Variants in FLVCR1 observed in about 807,000 individuals in gnomAD.
FLVCR1 encodes the protein choline/ethanolamine transporter FLVCR1.
Under a neutral mutation model 53.6 loss-of-function variants are expected in FLVCR1, and 34 were observed. The ratio of observed to expected loss-of-function variants is 0.63; its 90% confidence interval spans 0.48 to 0.84. The LOEUF (loss-of-function observed/expected upper bound fraction) is 0.84. Among genes scored for constraint, FLVCR1 ranks in the 40% least tolerant of loss-of-function variants. FLVCR1 has a pLI of 0.00. For synonymous variants in FLVCR1, 300 were observed against 286.3 expected (o/e 1.05, Z -0.48); for missense variants, 677 against 696.7 (o/e 0.97, Z 0.32).
rs772674826 is a variant in FLVCR1, at chr1:212,888,610, C to T, written c.1413+16C>T. On this transcript the variant is annotated intron_variant, in intron 7 of 9. Coordinates refer to ENST00000366971, the MANE Select transcript of FLVCR1 (RefSeq NM_014053.4). ...TTCTGCACAGGTAAACCTCTGATTT[C>T]TCTAAACCTGAGATGATTATTATAC... is the stretch of plus-strand genomic sequence containing the variant. The T allele has an allele frequency of 1.3e-6, 2 of 1,482,486 alleles. No individual in the cohort carries two copies. The highest frequency in any genetic ancestry group is 2.3e-5 in the South Asian group (2 of 88,268). 91.8% of individuals were successfully genotyped at this position (1,482,486 alleles called of 1,614,324 possible).
chr1:212,872,959 G>C, intron 3 of FLVCR1, 141 bp downstream of exon 3: 1 of 824,682 alleles, frequency 1.2e-6, no homozygotes, highest in Non-Finnish European at 1.9e-6. Flanking sequence ...TAAACTAAAA[G>C]CAGAAAATCC....
intron 1 of FLVCR1, among the ~76,000 whole-genome samples, chr1:212,862,586 G>T: frequency 6.6e-6 from 1 of 152,184 alleles, no homozygotes; most frequent in East Asian, 1.9e-4. Context: ...GTTGATAAAT[G>T]TTTGGGTTAT....
intron 8 of FLVCR1, among the ~76,000 whole-genome samples, chr1:212,892,033 A>G (rs1162815091): frequency 2.0e-5 from 3 of 152,236 alleles, no homozygotes; most frequent in African/African-American, 7.2e-5. Context: ...TGAACGTTGA[A>G]AGAGGTGAGA....
intron 3 of FLVCR1, among the ~76,000 whole-genome samples, chr1:212,877,832 G>A (rs1264901137): frequency 6.6e-6 from 1 of 151,906 alleles, no homozygotes; most frequent in Non-Finnish European, 1.5e-5. Context: ...TTATCCTTAA[G>A]AATCAATAAG....
rs576800379 is a variant in FLVCR1 at position 212,859,208 on chromosome 1, A to G, written c.738+18A>G. ...GCAATCAGGTAAGTACTGGAGTGGT[A>G]GGTGAAAGTCAGATCCTTAAAAGAC... On this transcript the variant is annotated intron_variant, in intron 1 of 9. Transcript: ENST00000366971. 5 of 1,613,988 alleles carry G rather than the reference A, an allele frequency of 3.1e-6. No homozygotes were observed. The highest frequency in any genetic ancestry group is 2.2e-5 in the East Asian group (1 of 44,878).
intron 5 of FLVCR1, 60 bp downstream of exon 5, chr1:212,885,456 A>G (rs1201154482): frequency 1.5e-6 from 2 of 1,337,976 alleles, no homozygotes; most frequent in African/African-American, 2.9e-5. Context: ...TTTAAAGGAC[A>G]ATTTGCTTTT....
chr1:212,860,803 C>G (rs1354658998), intron 1 of FLVCR1, among the ~76,000 whole-genome samples: 1 of 152,192 alleles, frequency 6.6e-6, no homozygotes, highest in Non-Finnish European at 1.5e-5. Context: ...AAAGGAGCTT[C>G]AGACTCATAC....
intron 2 of FLVCR1, chr1:212,869,906 G>T (rs1390359252): frequency 6.6e-6 from 1 of 152,168 alleles, no homozygotes; most frequent in Admixed American, 6.5e-5. Context: ...TTTTGCCATG[G>T]TAAATAAAAA....
At position 212,883,353 on chromosome 1, in the gene FLVCR1, C is replaced by G; in HGVS notation, c.1025-18C>G. The G allele has an allele frequency of 7.3e-7, 1 of 1,371,006 alleles. No individual in the cohort carries two copies. The highest frequency in any genetic ancestry group is 1.0e-6 in the Non-Finnish European group (1 of 962,816). 84.9% of individuals were successfully genotyped at this position (1,371,006 alleles called of 1,614,324 possible). On this transcript the variant is annotated intron_variant, in intron 3 of 9. Transcript: ENST00000366971. ...TGTAGGTATCATGACTTAATATCATCTTTATTTATTATTGTAGGTATCATG... is the reference window on the plus strand; with the variant it reads ...TGTAGGTATCATGACTTAATATCATGTTTATTTATTATTGTAGGTATCATG...
At chr1:212,893,688 A>G (rs980330247) in intron 8 of FLVCR1, among the ~76,000 whole-genome samples, 3 of 152,194 alleles carry the variant, frequency 2.0e-5, no homozygotes, top group East Asian at 3.8e-4. Context: ...AGCCATCAAC[A>G]TCAAGGCAAG....
chr1:212,869,700 T>C (rs1664542348), intron 2 of FLVCR1, among the ~76,000 whole-genome samples: 1 of 152,196 alleles, frequency 6.6e-6, no homozygotes, highest in African/African-American at 2.4e-5. Flanking sequence ...CACCCCTGGC[T>C]AATTTTTGTG....
intron 2 of FLVCR1, among the ~76,000 whole-genome samples, chr1:212,868,263 T>C (rs1189940552): frequency 6.6e-6 from 1 of 152,116 alleles, no homozygotes; most frequent in Non-Finnish European, 1.5e-5. Context: ...CATGCCTGGC[T>C]ATTTTTTATA....
At chr1:212,894,940 AT>A (rs752247604) in intron 8 of FLVCR1, 45 bp from the exon 9 acceptor site, 1 of 1,331,682 alleles carries the variant, frequency 7.5e-7, no homozygotes, top group Non-Finnish European at 1.1e-6. Context: ...TTTTAAAAAA[AT>A]CTTCACATAA....
chr1:212,898,599 AAATG>A lies in FLVCR1; in HGVS notation c.*3313_*3316del, dbSNP rs1242514565. Reference sequence around the variant, plus strand: ...AGGTGATGGAATATGTGACAATGCAAAATGAATTGATAATTTTTCTGTATTTTGA... The same window carrying A: ...AGGTGATGGAATATGTGACAATGCAAAATTGATAATTTTTCTGTATTTTGA... On this transcript the variant is annotated 3_prime_UTR_variant, in exon 10 of 10. Coordinates refer to ENST00000366971, the MANE Select transcript of FLVCR1 (RefSeq NM_014053.4). 3.2e-4 allele frequency: 48 copies of A among 152,246 alleles called. No homozygotes were observed. Among genetic ancestry groups the A allele is most frequent in the African/African-American group, 1.1e-3 (45 of 41,468 alleles). 9.4% of individuals were successfully genotyped at this position (152,246 alleles called of 1,614,324 possible).
chr1:212,893,765 A>G (rs1049838311), intron 8 of FLVCR1, among the ~76,000 whole-genome samples: 1 of 151,978 alleles, frequency 6.6e-6, no homozygotes. Context: ...TTAGCAGTAA[A>G]GTGTTTTTTG....
At chr1:212,875,430 G>A (rs1208449681) in intron 3 of FLVCR1, among the ~76,000 whole-genome samples, 1 of 152,166 alleles carries the variant, frequency 6.6e-6, no homozygotes, top group Non-Finnish European at 1.5e-5. Context: ...TGAAGAGAGG[G>A]TTGGATTTGA....
At chr1:212,878,533 C>CAAA (rs58243050) in intron 3 of FLVCR1, among the ~76,000 whole-genome samples, 1 of 112,832 alleles carries the variant, frequency 8.9e-6, no homozygotes, top group Non-Finnish European at 1.7e-5. Flanking sequence ...GTCTCCGTCT[C>CAAA]AAAAAAAAAA....
At chr1:212,882,107 C>T (rs1471552763) in intron 3 of FLVCR1, among the ~76,000 whole-genome samples, 1 of 152,112 alleles carries the variant, frequency 6.6e-6, no homozygotes, top group Non-Finnish European at 1.5e-5. Context: ...GAGCAAATTG[C>T]TTATATCTAG....
chr1:212,874,956 T>G (rs1664715843), intron 3 of FLVCR1, among the ~76,000 whole-genome samples: 2 of 129,628 alleles, frequency 1.5e-5, no homozygotes, highest in Admixed American at 1.5e-4. Context: ...CATCTCCACA[T>G]GCATATACAC....
Sources: allele counts gnomAD v4.1 joint callset (sites outside exome capture counted in the v4.1 genomes callset), GRCh38; gene constraint gnomAD v4.1.1; transcripts MANE v1.5; gene names NCBI Gene and HGNC (gene_info 2026-07-23, HGNC 2026-07-21).